The following P2RX7 variants were observed in gnomAD, a reference collection of about 807,000 sequenced individuals.
The protein encoded by P2RX7 is P2X purinoceptor 7.
In P2RX7, 62 loss-of-function variants were observed where a neutral mutation model predicts 71.6. That is an observed-to-expected ratio of 0.87 (90% CI 0.71 to 1.07). The LOEUF is 1.07. P2RX7 is among the 50% of genes least tolerant of loss of function. P2RX7 has a pLI of 0.00. For missense variants in P2RX7, 686 were observed against 748.5 expected (o/e 0.92, Z 0.97); for synonymous variants, 299 against 283.3 (o/e 1.06, Z -0.56).
rs1880974836 is a variant in P2RX7, at chr12:121,166,172, A to T, written c.729A>T (p.Ser243=). The change falls in exon 7 of 13, where the codon TCA becomes TCT. Residue 243 remains serine (S), a synonymous_variant. Coordinates refer to ENST00000328963, the MANE Select transcript of P2RX7 (RefSeq NM_002562.6). ...DIFRETGDNF[S]DVAIQGGIMG... is the part of the protein sequence containing the mutation. ...TCCGAGAAACAGGCGATAATTTTTC[A>T]GATGTGGCAATTCAGGTTGGTGGTG... The T allele has an allele frequency of 6.2e-7, 1 of 1,613,472 alleles. No homozygotes were observed. Among genetic ancestry groups the T allele is most frequent in the African/African-American group, 1.3e-5 (1 of 75,014 alleles).
chr12:121,156,269 C>T, intron 3 of P2RX7, 122 bp downstream of exon 3: 1 of 760,932 alleles, frequency 1.3e-6, no homozygotes, highest in South Asian at 1.6e-5. Context: ...TACTGAGCAC[C>T]TGCCTCTTTT....
At position 121,177,174 on chromosome 12, in the gene P2RX7, GT is replaced by G. The variant is rs750612096; in HGVS notation, c.1002del (p.Val335CysfsTer64). 19 of 1,614,196 alleles carry G rather than the reference GT, an allele frequency of 1.2e-5. No individual in the cohort carries two copies. In the African/African-American group the frequency reaches 2.3e-4, roughly 19 times the overall value. On this transcript the variant is annotated frameshift_variant, in exon 10 of 13. Coordinates refer to ENST00000328963, the MANE Select transcript of P2RX7 (RefSeq NM_002562.6). LOFTEE classifies it high-confidence loss of function. ...TGGKFDIIQL[V>X]VYIGSTLSYF... ...AGGAAAATTTGACATTATCCAGCTG[GT>G]TGTGTACATCGGCTCAACCCTCTCC...
At chr12:121,183,081 G>A (rs1444796629) in intron 12 of P2RX7, among the ~76,000 whole-genome samples, 1 of 151,882 alleles carries the variant, frequency 6.6e-6, no homozygotes, top group South Asian at 2.1e-4. Flanking sequence ...GGAGGCTGAG[G>A]CAGGAGAATG....
chr12:121,157,416 G>A (rs192953417), intron 3 of P2RX7, among the ~76,000 whole-genome samples: 13 of 152,186 alleles, frequency 8.5e-5, no homozygotes, highest in Admixed American at 2.0e-4. Context: ...ATAACACTCC[G>A]TCTAAAAGGA....
chr12:121,133,653 C>A lies in P2RX7; in HGVS notation c.125+558C>A, dbSNP rs115459542. Among the ~76,000 whole-genome samples the A allele has an allele frequency of 5.2e-3, 790 of 152,296 alleles. 13 individuals carry two copies. The highest frequency in any genetic ancestry group is 0.018 in the African/African-American group (754 of 41,560). The stretch of plus-strand genomic sequence containing the variant: ...TCAGATTATTCCCAGAGTTGTGCAA[C>A]CATCCCCACAATCAATTTTAGAATA... On this transcript the variant is annotated intron_variant, in intron 1 of 12. Coordinates refer to ENST00000328963, the MANE Select transcript of P2RX7 (RefSeq NM_002562.6).
intron 6 of P2RX7, 110 bp from the exon 7 acceptor site, chr12:121,165,948 T>G: frequency 6.8e-6 from 8 of 1,173,020 alleles, no homozygotes; most frequent in Non-Finnish European, 9.7e-6. Context: ...GCAGTGATCA[T>G]TTGGGGCTTT....
At chr12:121,139,970 G>A (rs975314076) in intron 1 of P2RX7, among the ~76,000 whole-genome samples, 1 of 152,108 alleles carries the variant, frequency 6.6e-6, no homozygotes, top group Non-Finnish European at 1.5e-5. Context: ...GGCCTCAAGC[G>A]ATCCGTCCGT....
At chr12:121,173,143 T>A (rs529262613) in intron 8 of P2RX7, among the ~76,000 whole-genome samples, 1 of 152,248 alleles carries the variant, frequency 6.6e-6, no homozygotes, top group Admixed American at 6.5e-5. Flanking sequence ...TACTGAGTGA[T>A]GACAGAGAGA....
rs77517854 is a variant in P2RX7, at chr12:121,153,139, A to T, written c.126-1646A>T. On this transcript the variant is annotated intron_variant, in intron 1 of 12. Coordinates refer to ENST00000328963, the MANE Select transcript of P2RX7 (RefSeq NM_002562.6). ...AAAAAAATATGTGGGTATCTGGATA[A>T]CTCCCCCGACCCGTGGAATCCTAGT... Among the ~76,000 whole-genome samples the T allele has an allele frequency of 3.7e-3, 562 of 152,114 alleles. 2 individuals are homozygous for T. Among genetic ancestry groups the T allele is most frequent in the African/African-American group, 0.013 (525 of 41,484 alleles).
rs1187343038 is a variant in P2RX7 at position 121,149,184 on chromosome 12, C to T, written c.126-5601C>T. 9.9e-6 allele frequency: 4 copies of T among 404,598 alleles called. No homozygotes were observed. Among genetic ancestry groups the T allele is most frequent in the South Asian group, 7.7e-5 (4 of 51,708 alleles). 25.1% of individuals were successfully genotyped at this position (404,598 alleles called of 1,614,324 possible). A position where few individuals can be genotyped will look rare whatever the true frequency, so the allele number is the denominator to read the frequency against. On this transcript the variant is annotated intron_variant, in intron 1 of 12. Transcript: ENST00000328963. The surrounding 1 kb of genome is among the most constrained non-coding windows in gnomAD (Gnocchi z 4.7). ...CTCTGAAGAACGACTTTATGGTGGG[C>T]ACCTTCATCTCCATCTGGTGGGTCC...
intron 12 of P2RX7, among the ~76,000 whole-genome samples, chr12:121,181,157 G>A (rs376683406): frequency 3.2e-4 from 49 of 152,230 alleles, no homozygotes; most frequent in East Asian, 2.5e-3. Context: ...ACTGAATCAC[G>A]TAGTATGTAA....
At chr12:121,176,072 A>G (rs1416384039) in intron 9 of P2RX7, among the ~76,000 whole-genome samples, 1 of 152,166 alleles carries the variant, frequency 6.6e-6, no homozygotes, top group Non-Finnish European at 1.5e-5. Flanking sequence ...GGTCTCAGAC[A>G]AATGTCATTG....
intron 8 of P2RX7, among the ~76,000 whole-genome samples, 190 bp downstream of exon 8, chr12:121,167,814 CTTAT>C (rs1269405303): frequency 6.6e-6 from 1 of 151,354 alleles, no homozygotes; most frequent in Non-Finnish European, 1.5e-5. Flanking sequence ...TTATTTTTTA[CTTAT>C]TTTTTTTTTT....
chr12:121,184,410 G>A lies in P2RX7; in HGVS notation c.1396G>A (p.Ala466Thr), dbSNP rs775004852. Residue 466 changes from alanine (A) to threonine (T), a missense_variant, in exon 13 of 13, where the codon GCG becomes ACG. Transcript: ENST00000328963. The part of the protein sequence containing the change: ...PEEIQLLRKE[A>T]TPRSRDSPVW... Reference sequence around the variant, plus strand: ...GGAGATACAGCTGCTTAGAAAGGAGGCGACTCCTAGATCCAGGGATAGCCC... The same window carrying A: ...GGAGATACAGCTGCTTAGAAAGGAGACGACTCCTAGATCCAGGGATAGCCC... 1 of 1,614,128 alleles carries A rather than the reference G, an allele frequency of 6.2e-7. No individual in the cohort carries two copies. The highest frequency in any genetic ancestry group is 1.1e-5 in the South Asian group (1 of 91,070).
chr12:121,163,505 A>C (rs1963773), intron 5 of P2RX7, among the ~76,000 whole-genome samples: 1 of 151,984 alleles, frequency 6.6e-6, no homozygotes, highest in Non-Finnish European at 1.5e-5. Context: ...TATTGAGTAC[A>C]TGAAATGCGA....
chr12:121,136,810 C>A (rs1420773936), intron 1 of P2RX7, among the ~76,000 whole-genome samples: 1 of 151,722 alleles, frequency 6.6e-6, no homozygotes, highest in Non-Finnish European at 1.5e-5. Flanking sequence ...CCACGCCCAG[C>A]TAATTTTTTG....
intron 4 of P2RX7, among the ~76,000 whole-genome samples, chr12:121,161,760 C>T (rs192025788): frequency 1.9e-3 from 279 of 145,086 alleles, no homozygotes; most frequent in African/African-American, 6.7e-3. Context: ...CCACTGCACT[C>T]CAGCATGGGT....
intron 3 of P2RX7, among the ~76,000 whole-genome samples, chr12:121,159,063 C>T (rs990524290): frequency 1.1e-4 from 17 of 152,194 alleles, no homozygotes; most frequent in African/African-American, 4.1e-4. Context: ...ATTCATTGAG[C>T]ATGTACTATG....
chr12:121,133,158 G>T (rs537649680), intron 1 of P2RX7, 63 bp downstream of exon 1: 2 of 1,590,290 alleles, frequency 1.3e-6, no homozygotes, highest in Non-Finnish European at 1.7e-6. Flanking sequence ...AAGCCCCAGC[G>T]GGCAGCTTCA....
Sources: gnomAD v4.1 joint callset for allele counts (sites outside exome capture counted in the v4.1 genomes callset) on GRCh38, gnomAD v4.1.1 for gene constraint, Gnocchi (gnomAD v3.1) non-coding constraint, MANE v1.5 for transcripts, NCBI Gene and HGNC (gene_info 2026-07-23, HGNC 2026-07-21) for gene names.